The following RAB5C variants were observed in gnomAD, a reference collection of about 807,000 sequenced individuals.
RAB5C encodes ras-related protein Rab-5C.
A neutral mutation model predicts 25.2 loss-of-function variants in RAB5C; 4 were observed. That is an observed-to-expected ratio of 0.16 (90% CI 0.08 to 0.36). The LOEUF (loss-of-function observed/expected upper bound fraction) is 0.36, where lower values mean the gene tolerates loss of function less well. Among genes scored for constraint, RAB5C ranks in the 10% least tolerant of loss-of-function variants. The pLI, the probability that RAB5C is intolerant of heterozygous loss-of-function variation, is 1.00. For missense variants in RAB5C, 199 were observed against 283.8 expected (o/e 0.70, Z 2.15); for synonymous variants, 100 against 106.4 (o/e 0.94, Z 0.37).
chr17:42,152,792 A>C (rs1166994136), intron 1 of RAB5C, among the ~76,000 whole-genome samples: 6 of 151,956 alleles, frequency 3.9e-5, no homozygotes, highest in Admixed American at 3.9e-4. Context: ...AAAAAAAAAA[A>C]AAGTCGTTTC....
Position 42,128,707 on chromosome 17 carries a change from G to T in RAB5C, c.260C>A (p.Ala87Asp). ...TAGQERYHSL[A>D]PMYYRGAQAA... Reference sequence around the variant, plus strand: ...CTGGGCCCCCCGATAGTACATGGGGGCCAGGCTGTGATACCGCTCCTGTCC... The same window carrying T: ...CTGGGCCCCCCGATAGTACATGGGGTCCAGGCTGTGATACCGCTCCTGTCC... The change falls in exon 3 of 6, where the codon GCC becomes GAC. Residue 87 changes from alanine to aspartate, a missense_variant. Coordinates refer to ENST00000346213, the MANE Select transcript of RAB5C (RefSeq NM_004583.4). The T allele has an allele frequency of 6.4e-7, 1 of 1,573,348 alleles. No individual in the cohort carries two copies.
intron 1 of RAB5C, chr17:42,154,574 G>A (rs1429756228): frequency 6.6e-6 from 1 of 152,282 alleles, no homozygotes; most frequent in Admixed American, 6.5e-5. Flanking sequence ...AAGAGGGACA[G>A]GTTCCTTCAC....
intron 1 of RAB5C, chr17:42,136,388 AG>A (rs1201525202): frequency 6.6e-6 from 1 of 151,642 alleles, no homozygotes; most frequent in African/African-American, 2.4e-5. Context: ...AGAGGAAAGA[AG>A]AATCTGAAGC....
chr17:42,130,911 G>C (rs1006686878), intron 1 of RAB5C, among the ~76,000 whole-genome samples: 3 of 152,126 alleles, frequency 2.0e-5, no homozygotes, highest in African/African-American at 4.8e-5. Flanking sequence ...GGCGATGAAT[G>C]AATGTGTGAC....
At chr17:42,135,095 C>T (rs2144074015) in intron 1 of RAB5C, among the ~76,000 whole-genome samples, 1 of 151,802 alleles carries the variant, frequency 6.6e-6, no homozygotes, top group East Asian at 1.9e-4. Context: ...ATTCTAATGC[C>T]TCAGCTTCTA....
intron 1 of RAB5C, among the ~76,000 whole-genome samples, chr17:42,132,026 C>CT (rs2054491516): frequency 6.6e-6 from 1 of 152,104 alleles, no homozygotes; most frequent in Non-Finnish European, 1.5e-5. Flanking sequence ...CAGGGAGAGC[C>CT]CCGATCTGCC....
intron 1 of RAB5C, among the ~76,000 whole-genome samples, chr17:42,150,850 C>G (rs1397274415): frequency 7.0e-6 from 1 of 142,886 alleles, no homozygotes; most frequent in South Asian, 2.2e-4. Flanking sequence ...GAGACTGCCT[C>G]AAAAAAAAAA....
Position 42,128,380 on chromosome 17 carries a change from T to C in RAB5C, c.322A>G (p.Thr108Ala). The change falls in exon 4 of 6, where the codon ACA (threonine) becomes GCA (alanine). Residue 108 changes from threonine to alanine, a missense_variant. By Grantham distance (58) the Thr-to-Ala change is moderately conservative. Coordinates refer to ENST00000346213, the MANE Select transcript of RAB5C (RefSeq NM_004583.4). ...IVVYDITNTD[T>A]FARAKNWVKE... ...ACCCAGTTCTTGGCCCGTGCAAATGTATCCTGAGGAGACAGGGACAGAATG... is the reference window on the plus strand; with the variant it reads ...ACCCAGTTCTTGGCCCGTGCAAATGCATCCTGAGGAGACAGGGACAGAATG... 6.2e-7 allele frequency: 1 copy of C among 1,612,640 alleles called. No individual in the cohort carries two copies. Among genetic ancestry groups the C allele is most frequent in the Non-Finnish European group, 8.5e-7 (1 of 1,179,092 alleles).
At chr17:42,131,535 A>AAACAAACACACACG in intron 1 of RAB5C, 1 of 1,412,822 alleles carries the variant, frequency 7.1e-7, no homozygotes, top group Non-Finnish European at 9.6e-7. Flanking sequence ...AAACACACAC[A>AAACAAACACACACG]GAAACACACA....
chr17:42,139,704 G>C (rs1231108330), intron 1 of RAB5C, among the ~76,000 whole-genome samples: 1 of 152,088 alleles, frequency 6.6e-6, no homozygotes, highest in Non-Finnish European at 1.5e-5. Context: ...TTGTGATCCA[G>C]GCTGTGCCAG....
chr17:42,151,018 T>G (rs1041626878), intron 1 of RAB5C, among the ~76,000 whole-genome samples: 5 of 152,184 alleles, frequency 3.3e-5, no homozygotes, highest in Non-Finnish European at 5.9e-5. Flanking sequence ...TGAGGTCAAG[T>G]AACAAGCCCA....
chr17:42,131,630 G>C (rs2144068152), intron 1 of RAB5C: 1 of 1,533,460 alleles, frequency 6.5e-7, no homozygotes, highest in Non-Finnish European at 8.7e-7. Flanking sequence ...TCTACTGGCA[G>C]AGATGGGGCG....
At chr17:42,134,968 T>TTC (rs1568020609) in intron 1 of RAB5C, among the ~76,000 whole-genome samples, 2 of 150,286 alleles carry the variant, frequency 1.3e-5, no homozygotes, top group Admixed American at 1.3e-4. Context: ...TCAAATTCTT[T>TTC]TTTTTTCTTA....
intron 1 of RAB5C, among the ~76,000 whole-genome samples, chr17:42,149,027 G>A (rs570483767): frequency 6.6e-6 from 1 of 152,294 alleles, no homozygotes; most frequent in Admixed American, 6.5e-5. Flanking sequence ...TATACATAGA[G>A]GATGGGGCTA....
chr17:42,153,723 C>A (rs1296312847), intron 1 of RAB5C, among the ~76,000 whole-genome samples: 1 of 152,188 alleles, frequency 6.6e-6, no homozygotes, highest in Non-Finnish European at 1.5e-5. Context: ...GGCCACATAA[C>A]AAAGCTTGGT....
rs531718135 is a variant in RAB5C, at chr17:42,129,491, AAGG to A, written c.167-694_167-692del. Among the ~76,000 whole-genome samples the A allele has an allele frequency of 1.5e-3, 236 of 152,314 alleles. 1 individual carries two copies. Among genetic ancestry groups the A allele is most frequent in the Non-Finnish European group, 2.7e-3 (184 of 68,028 alleles). On this transcript the variant is annotated intron_variant, in intron 2 of 5. Coordinates refer to ENST00000346213, the MANE Select transcript of RAB5C (RefSeq NM_004583.4). ...GCAGGGTGCCTGTACACATGCTTCA[AAGG>A]AGGAGTCCAGAGCTGGGACAGACAG...
chr17:42,125,583 T>C lies in RAB5C; in HGVS notation c.*200A>G. ...AAAAAAGTGACTTAAGACTTAAAAT[T>C]GAATTAGTATTTGTACAGAAAGGTG... On this transcript the variant is annotated 3_prime_UTR_variant, in exon 6 of 6. Transcript: ENST00000346213. 1.9e-6 allele frequency: 1 copy of C among 537,144 alleles called. No individual in the cohort carries two copies. The allele number at this position is 537,144 out of a possible 1,614,324, so 33.3% of individuals were successfully genotyped here. A position where few individuals can be genotyped will look rare whatever the true frequency, so the allele number is the denominator to read the frequency against.
intron 1 of RAB5C, among the ~76,000 whole-genome samples, chr17:42,130,898 A>G (rs1383103357): frequency 2.6e-5 from 4 of 152,136 alleles, no homozygotes; most frequent in African/African-American, 9.7e-5. Flanking sequence ...ATAAACACAC[A>G]CAGGCGATGA....
intron 1 of RAB5C, among the ~76,000 whole-genome samples, chr17:42,141,862 T>TG (rs1214021395): frequency 1.3e-5 from 2 of 152,262 alleles, no homozygotes; most frequent in Non-Finnish European, 2.9e-5. Context: ...GGGGAGCCCC[T>TG]GCGCCTTCAC....
Sources: allele counts gnomAD v4.1 joint callset (sites outside exome capture counted in the v4.1 genomes callset), GRCh38; gene constraint gnomAD v4.1.1; transcripts MANE v1.5; gene names NCBI Gene and HGNC (gene_info 2026-07-23, HGNC 2026-07-21).